The following HS3ST4 variants were observed in gnomAD, a reference collection of about 807,000 sequenced individuals.
The protein encoded by HS3ST4 is heparan sulfate-glucosamine 3-sulfotransferase 4.
A neutral mutation model predicts 29.2 loss-of-function variants in HS3ST4; 17 were observed. The observed-to-expected ratio is 0.58, with a 90% CI of 0.40 to 0.87. HS3ST4 has a LOEUF of 0.87. Ranked by LOEUF, HS3ST4 falls within the 40% of genes least tolerant of loss-of-function variation. The probability of loss-of-function intolerance (pLI) is 0.00; values close to 1 mark genes in which losing one functional copy is unlikely to be tolerated. For synonymous variants in HS3ST4, 314 were observed against 285.7 expected (o/e 1.10, Z -1.00); for missense variants, 627 against 634.5 (o/e 0.99, Z 0.13).
intron 1 of HS3ST4, among the ~76,000 whole-genome samples, chr16:25,756,040 T>G (rs1000421628): frequency 2.0e-5 from 3 of 151,988 alleles, no homozygotes; most frequent in Non-Finnish European, 4.4e-5. Context: ...GTGAAGAATA[T>G]TCCTTGATCT....
chr16:26,016,756 T>TA (rs539495612), intron 1 of HS3ST4, among the ~76,000 whole-genome samples: 126 of 152,316 alleles, frequency 8.3e-4, no homozygotes, highest in African/African-American at 3.0e-3. Flanking sequence ...ATTTTTTATA[T>TA]AAAAATCATT....
intron 1 of HS3ST4, among the ~76,000 whole-genome samples, chr16:25,942,619 T>C (rs1968582708): frequency 6.6e-6 from 1 of 151,992 alleles, no homozygotes; most frequent in Non-Finnish European, 1.5e-5. Context: ...TTTTTTTTTT[T>C]TCTTTCCTTT....
At chr16:25,863,138 C>A (rs1967655595) in intron 1 of HS3ST4, among the ~76,000 whole-genome samples, 1 of 152,086 alleles carries the variant, frequency 6.6e-6, no homozygotes, top group African/African-American at 2.4e-5. Context: ...ATCTTGGAAT[C>A]CTTTGTTAGT....
chr16:25,945,467 CCTT>C (rs1048041623), intron 1 of HS3ST4, among the ~76,000 whole-genome samples: 1 of 128,880 alleles, frequency 7.8e-6, no homozygotes, highest in Non-Finnish European at 1.6e-5. Flanking sequence ...TCATTATACA[CCTT>C]CTTTTGTACC....
chr16:25,923,253 A>C (rs1596615293), intron 1 of HS3ST4, among the ~76,000 whole-genome samples: 1 of 152,258 alleles, frequency 6.6e-6, no homozygotes, highest in East Asian at 1.9e-4. Flanking sequence ...AGTTTTTTGA[A>C]CTGGGAGGAA....
In HS3ST4 at chr16:25,698,118, CAG is replaced by C. The variant is rs529495393; in HGVS notation, c.734+4968_734+4969del. 4.0e-3 allele frequency among the ~76,000 whole-genome samples: 613 copies of C among 152,028 alleles called. 3 individuals are homozygous for C. Among genetic ancestry groups the C allele is most frequent in the Non-Finnish European group, 5.3e-3 (358 of 67,980 alleles). ...TTATTTGAAAAAATTTTTTTAAAGA[CAG>C]GGGTCTCACTTTGTTGCCCAGGCTG... On this transcript the variant is annotated intron_variant, in intron 1 of 1. Transcript: ENST00000331351.
At chr16:26,084,907 G>A (rs1369719733) in intron 1 of HS3ST4, among the ~76,000 whole-genome samples, 1 of 152,150 alleles carries the variant, frequency 6.6e-6, no homozygotes, top group Non-Finnish European at 1.5e-5. Flanking sequence ...ATCACACCAG[G>A]CCCCTAAGGG....
At position 26,037,926 on chromosome 16, in the gene HS3ST4, A is replaced by T. The variant is rs148379661; in HGVS notation, c.735-97686A>T. Among the ~76,000 whole-genome samples, 449 of 152,294 alleles carry T rather than the reference A, an allele frequency of 2.9e-3. 10 individuals carry two copies. Among genetic ancestry groups the T allele is most frequent in the Admixed American group, 0.028 (427 of 15,298 alleles). On this transcript the variant is annotated intron_variant, in intron 1 of 1. Coordinates refer to ENST00000331351, the MANE Select transcript of HS3ST4 (RefSeq NM_006040.3). ...CTCTAGGGTCTTTTCTCAGCAGAGT[A>T]GCCAGAGGGATCTTTCAAAGCATAT...
chr16:25,782,911 AG>A (rs1433671852), intron 1 of HS3ST4, among the ~76,000 whole-genome samples: 1 of 152,182 alleles, frequency 6.6e-6, no homozygotes, highest in Non-Finnish European at 1.5e-5. Flanking sequence ...CATAGATTTT[AG>A]TTCTCTTGTG....
intron 1 of HS3ST4, among the ~76,000 whole-genome samples, chr16:25,828,367 G>A (rs145499247): frequency 3.3e-4 from 40 of 122,468 alleles, no homozygotes; most frequent in Admixed American, 2.8e-3. Context: ...TCTTTCCAGC[G>A]TCTTGCTCTG....
At chr16:25,773,829 G>A (rs750965696) in intron 1 of HS3ST4, among the ~76,000 whole-genome samples, 59 of 152,116 alleles carry the variant, frequency 3.9e-4, no homozygotes, top group African/African-American at 1.3e-3. Context: ...CTCCCGTGTC[G>A]ATTATACTAC....
intron 1 of HS3ST4, among the ~76,000 whole-genome samples, chr16:26,089,974 T>C (rs1898835413): frequency 6.6e-6 from 1 of 152,208 alleles, no homozygotes; most frequent in South Asian, 2.1e-4. Context: ...ACCAGGCTCA[T>C]AGTAAACAAT....
chr16:26,000,532 A>G (rs1166422109), intron 1 of HS3ST4, among the ~76,000 whole-genome samples: 2 of 152,294 alleles, frequency 1.3e-5, no homozygotes, highest in East Asian at 3.9e-4. Flanking sequence ...CTGGTCCTTA[A>G]TGATATCCGT....
chr16:25,744,850 A>T (rs1424856613), intron 1 of HS3ST4, among the ~76,000 whole-genome samples: 5 of 152,144 alleles, frequency 3.3e-5, no homozygotes, highest in Admixed American at 1.3e-4. Context: ...GTAAGACGTG[A>T]ATTGCTCCTC....
At chr16:25,758,018 C>T (rs1359338998) in intron 1 of HS3ST4, among the ~76,000 whole-genome samples, 1 of 152,082 alleles carries the variant, frequency 6.6e-6, no homozygotes, top group Non-Finnish European at 1.5e-5. Flanking sequence ...TGCCTCTCTC[C>T]AGAGCCCCCA....
chr16:25,814,326 G>A (rs900029402), intron 1 of HS3ST4, among the ~76,000 whole-genome samples: 1 of 150,624 alleles, frequency 6.6e-6, no homozygotes, highest in Non-Finnish European at 1.5e-5. Context: ...ATGTTGTTAT[G>A]TCTGGTTTTG....
At chr16:25,873,504 A>G (rs141284627) in intron 1 of HS3ST4, among the ~76,000 whole-genome samples, 1 of 145,070 alleles carries the variant, frequency 6.9e-6, no homozygotes, top group Admixed American at 6.9e-5. Flanking sequence ...CTATCTATCT[A>G]TCTATCTATC....
At chr16:25,777,754 TGA>T in intron 1 of HS3ST4, among the ~76,000 whole-genome samples, 1 of 152,084 alleles carries the variant, frequency 6.6e-6, no homozygotes, top group East Asian at 1.9e-4. Flanking sequence ...GGCGACAGAG[TGA>T]GACTCCATCT....
At chr16:26,095,019 G>A (rs896130835) in intron 1 of HS3ST4, among the ~76,000 whole-genome samples, 5 of 152,082 alleles carry the variant, frequency 3.3e-5, no homozygotes, top group Admixed American at 2.0e-4. Flanking sequence ...AGACAAAGAA[G>A]GCCATTACAT....
Sources: gnomAD v4.1 joint callset for allele counts (sites outside exome capture counted in the v4.1 genomes callset) on GRCh38, gnomAD v4.1.1 for gene constraint, MANE v1.5 for transcripts, NCBI Gene and HGNC (gene_info 2026-07-23, HGNC 2026-07-21) for gene names.